Variants in UST observed in about 807,000 individuals in gnomAD.
The protein encoded by UST is chondroitin sulfate 2-O-sulfotransferase.
Under a neutral mutation model 45.6 loss-of-function variants are expected in UST, and 21 were observed. The ratio of observed to expected loss-of-function variants is 0.46; its 90% CI spans 0.33 to 0.66. The LOEUF is 0.66. Among genes scored for constraint, UST ranks in the 30% least tolerant of loss-of-function variants. The pLI, the probability that UST is intolerant of heterozygous loss-of-function variation, is 0.02. For missense variants in UST, 463 were observed against 512.4 expected, an observed-to-expected ratio of 0.90 and a Z score of 0.93; for synonymous variants, 215 against 200.6, an observed-to-expected ratio of 1.07 and a Z score of -0.61.
intron 2 of UST, among the ~76,000 whole-genome samples, chr6:148,915,056 G>A (rs1779558916): frequency 6.6e-6 from 1 of 151,952 alleles, no homozygotes; most frequent in Non-Finnish European, 1.5e-5. Flanking sequence ...AATTCTCTGG[G>A]GTCTTTTTTT....
At chr6:148,813,867 G>A (rs1195852557) in intron 1 of UST, among the ~76,000 whole-genome samples, 2 of 152,116 alleles carry the variant, frequency 1.3e-5, no homozygotes, top group Non-Finnish European at 2.9e-5. Context: ...ATTACAATCT[G>A]TGAACTAATT....
chr6:149,062,015 T>A (rs933723126), intron 7 of UST, among the ~76,000 whole-genome samples: 1 of 152,254 alleles, frequency 6.6e-6, no homozygotes, highest in Admixed American at 6.5e-5. Context: ...TGTTTGAATC[T>A]TCAGTTAATG....
At chr6:149,006,244 C>A (rs1775691796) in intron 5 of UST, among the ~76,000 whole-genome samples, 1 of 152,180 alleles carries the variant, frequency 6.6e-6, no homozygotes, top group African/African-American at 2.4e-5. Context: ...CTCCCTCCCC[C>A]AACCCCACTG....
chr6:148,961,948 G>A (rs995027886), intron 4 of UST, among the ~76,000 whole-genome samples: 1 of 152,232 alleles, frequency 6.6e-6, no homozygotes, highest in African/African-American at 2.4e-5. Context: ...GGTCCCTGAT[G>A]GTAGCATGGT....
At chr6:148,872,425 G>A (rs1041441151) in intron 1 of UST, among the ~76,000 whole-genome samples, 2 of 149,240 alleles carry the variant, frequency 1.3e-5, no homozygotes, top group Non-Finnish European at 2.9e-5. Context: ...AATAAAAAAT[G>A]TATCAGTTTA....
chr6:148,926,484 A>G (rs141905457), intron 2 of UST, among the ~76,000 whole-genome samples: 3 of 152,214 alleles, frequency 2.0e-5, no homozygotes, highest in East Asian at 1.9e-4. Flanking sequence ...ACTGGGGTCT[A>G]CCTCTTATCT....
chr6:148,776,371 G>A (rs965593255), intron 1 of UST, among the ~76,000 whole-genome samples: 5 of 152,106 alleles, frequency 3.3e-5, no homozygotes, highest in South Asian at 2.1e-4. Context: ...AAGTGTTTGC[G>A]GTGGATTTTT....
intron 2 of UST, among the ~76,000 whole-genome samples, chr6:148,931,350 A>C (rs1012380918): frequency 4.6e-5 from 7 of 152,268 alleles, no homozygotes; most frequent in Admixed American, 1.3e-4. Flanking sequence ...CTGTATAAAC[A>C]AAAGTGTCTA....
intron 2 of UST, among the ~76,000 whole-genome samples, chr6:148,927,687 A>G (rs1779842702): frequency 6.6e-6 from 1 of 152,194 alleles, no homozygotes; most frequent in Admixed American, 6.5e-5. Context: ...GATAGAAGAC[A>G]TTGTGCTCAA....
intron 7 of UST, 99 bp downstream of exon 7, chr6:149,021,580 C>T (rs1050035233): frequency 7.2e-7 from 1 of 1,387,992 alleles, no homozygotes; most frequent in African/African-American, 1.4e-5. Flanking sequence ...GAAATGATCT[C>T]TTCTGATGAC....
intron 1 of UST, among the ~76,000 whole-genome samples, chr6:148,797,250 C>G (rs1776970181): frequency 6.6e-6 from 1 of 152,076 alleles, no homozygotes; most frequent in East Asian, 1.9e-4. Flanking sequence ...GCACCCTAGC[C>G]TGGGCAGCAG....
intron 2 of UST, among the ~76,000 whole-genome samples, chr6:148,933,330 A>T (rs1051748770): frequency 2.0e-5 from 3 of 152,172 alleles, no homozygotes; most frequent in Admixed American, 1.3e-4. Flanking sequence ...TACATAACAG[A>T]TAGATTATTT....
intron 1 of UST, among the ~76,000 whole-genome samples, chr6:148,836,266 A>G (rs1396953348): frequency 1.3e-5 from 2 of 152,230 alleles, no homozygotes; most frequent in Non-Finnish European, 2.9e-5. Flanking sequence ...CTGAGTCATC[A>G]GTTACTTTTC....
intron 1 of UST, among the ~76,000 whole-genome samples, chr6:148,779,023 C>T (rs1192162673): frequency 6.6e-6 from 1 of 152,200 alleles, no homozygotes; most frequent in Non-Finnish European, 1.5e-5. Context: ...GCAGCCATAG[C>T]TGTGGCTGTC....
At chr6:148,910,257 C>T (rs1214936657) in intron 2 of UST, among the ~76,000 whole-genome samples, 1 of 151,692 alleles carries the variant, frequency 6.6e-6, no homozygotes, top group African/African-American at 2.4e-5. Context: ...TCTTCTGCCT[C>T]AGCCTCCCAA....
At chr6:149,010,913 A>AAAAAAACAAAAAAAAAAAAC (rs1554234080) in intron 5 of UST, among the ~76,000 whole-genome samples, 3 of 92,968 alleles carry the variant, frequency 3.2e-5, no homozygotes, top group Admixed American at 1.3e-4. Flanking sequence ...AAAAAAAAAA[A>AAAAAAACAAAAAAAAAAAAC]AAAAAACTGT....
intron 5 of UST, among the ~76,000 whole-genome samples, chr6:148,975,479 A>G (rs1175832134): frequency 6.6e-6 from 1 of 152,212 alleles, no homozygotes; most frequent in African/African-American, 2.4e-5. Flanking sequence ...TCTCCAGTTC[A>G]TCTTCTTCCA....
chr6:149,048,513 G>A (rs1333602979), intron 7 of UST, among the ~76,000 whole-genome samples: 1 of 143,176 alleles, frequency 7.0e-6, no homozygotes, highest in Non-Finnish European at 1.5e-5. Flanking sequence ...TCCAGCCTGG[G>A]CAATAGAGTG....
intron 7 of UST, among the ~76,000 whole-genome samples, chr6:149,072,009 T>C (rs1457237980): frequency 6.6e-6 from 1 of 152,154 alleles, no homozygotes; most frequent in Non-Finnish European, 1.5e-5. Flanking sequence ...CACTCCACAC[T>C]TACTGGGATG....
Sources: allele counts gnomAD v4.1 joint callset (sites outside exome capture counted in the v4.1 genomes callset), GRCh38; gene constraint gnomAD v4.1.1; transcripts MANE v1.5; gene names NCBI Gene and HGNC (gene_info 2026-07-23, HGNC 2026-07-21).